Variants in ZFHX3 observed in about 807,000 individuals in gnomAD.
ZFHX3 encodes the protein zinc finger homeobox protein 3.
ZFHX3 carries 42 observed loss-of-function variants against 279.1 expected under a neutral mutation model. That is an observed-to-expected ratio of 0.15 (90% CI 0.12 to 0.19). The LOEUF (loss-of-function observed/expected upper bound fraction) is 0.19. Among genes scored for constraint, ZFHX3 ranks in the 10% least tolerant of loss-of-function variants. The pLI is 1.00. For missense variants in ZFHX3, 4,981 were observed against 4,754.0 expected, an observed-to-expected ratio of 1.05 and a Z score of -1.40; for synonymous variants, 2,293 against 1,957.8, an observed-to-expected ratio of 1.17 and a Z score of -4.52.
chr16:73,688,766 C>A (rs2053117502), intron 1 of ZFHX3, among the ~76,000 whole-genome samples: 1 of 152,112 alleles, frequency 6.6e-6, no homozygotes, highest in Admixed American at 6.5e-5. Context: ...GTGGGAGGGA[C>A]CAGGTGGGAG....
chr16:73,633,830 G>A (rs1041158401), intron 2 of ZFHX3, among the ~76,000 whole-genome samples: 62 of 152,072 alleles, frequency 4.1e-4, no homozygotes, highest in Admixed American at 2.5e-3. Context: ...CCCGGGAGGC[G>A]GAGGTTGCAG....
intron 2 of ZFHX3, among the ~76,000 whole-genome samples, chr16:73,521,817 A>G (rs1304519841): frequency 6.6e-6 from 1 of 152,106 alleles, no homozygotes; most frequent in East Asian, 1.9e-4. Flanking sequence ...TAATCACCAC[A>G]TTTTTTCACT....
At chr16:73,671,706 T>C (rs2052905765) in intron 2 of ZFHX3, among the ~76,000 whole-genome samples, 1 of 152,230 alleles carries the variant, frequency 6.6e-6, no homozygotes, top group Non-Finnish European at 1.5e-5. Flanking sequence ...CACACTCCGA[T>C]GTCACAGGGG....
At chr16:73,511,842 G>T (rs1301448519) in intron 2 of ZFHX3, among the ~76,000 whole-genome samples, 1 of 152,130 alleles carries the variant, frequency 6.6e-6, no homozygotes, top group Admixed American at 6.5e-5. Context: ...AATAATTTGG[G>T]TAGATGATCC....
chr16:73,050,380 CT>C (rs1965427859), upstream of ZFHX3, among the ~76,000 whole-genome samples: 1 of 152,148 alleles, frequency 6.6e-6, no homozygotes, highest in African/African-American at 2.4e-5. Context: ...AGTTCCTTTT[CT>C]TTATCTGGCA....
At chr16:73,740,257 T>C (rs1002978783) in intron 1 of ZFHX3, among the ~76,000 whole-genome samples, 4 of 152,154 alleles carry the variant, frequency 2.6e-5, no homozygotes, top group Non-Finnish European at 5.9e-5. Context: ...TACACACTCC[T>C]TGGGCACTGG....
rs530898725 is a variant in ZFHX3, at chr16:73,450,721, G to A, written c.-1291+5282C>T. Among the ~76,000 whole-genome samples the A allele has an allele frequency of 2.8e-4, 43 of 152,182 alleles. No individual in the cohort carries two copies. In the South Asian group the frequency reaches 4.0e-3, roughly 14 times the overall value. ...ATCCTCAAGGTTTCCTGAACATGTC[G>A]AAGGAGAACTCACCAATGCCTGCAT... is the stretch of plus-strand genomic sequence containing the variant. On this transcript the variant is annotated intron_variant, in intron 3 of 17. Coordinates refer to the ZFHX3 transcript ENST00000641206.
intron 2 of ZFHX3, among the ~76,000 whole-genome samples, chr16:73,542,725 A>AT (rs1183661978): frequency 1.3e-5 from 2 of 152,162 alleles, no homozygotes; most frequent in South Asian, 2.1e-4. Flanking sequence ...ACAATGCACA[A>AT]TTTTTTTAGG....
At chr16:73,093,251 G>T (rs1336605035) in exon 8 of ZFHX3, 1 of 511,212 alleles carries the variant, frequency 2.0e-6, no homozygotes, top group Non-Finnish European at 3.9e-6. Context: ...TTGACTTCCA[G>T]GTTCACTCAA....
chr16:73,422,791 A>C (rs11645128), intron 3 of ZFHX3, among the ~76,000 whole-genome samples: 1 of 152,018 alleles, frequency 6.6e-6, no homozygotes, highest in Non-Finnish European at 1.5e-5. Context: ...ATTGAATACT[A>C]TGGATTTGAA....
intron 1 of ZFHX3, among the ~76,000 whole-genome samples, chr16:73,691,010 T>G (rs747321205): frequency 6.6e-6 from 1 of 152,210 alleles, no homozygotes. Flanking sequence ...TGCATAAGAC[T>G]GGACACTGTA....
chr16:73,076,813 A>G (rs1241408231), intron 8 of ZFHX3, among the ~76,000 whole-genome samples: 2 of 152,162 alleles, frequency 1.3e-5, no homozygotes, highest in African/African-American at 4.8e-5. Flanking sequence ...GCATGTGAAC[A>G]CACAGTATGT....
chr16:73,383,155 C>G (rs1335515814), intron 3 of ZFHX3, among the ~76,000 whole-genome samples: 1 of 152,214 alleles, frequency 6.6e-6, no homozygotes, highest in Non-Finnish European at 1.5e-5. Flanking sequence ...GACTTAACTG[C>G]AAGTCATTTG....
chr16:73,459,125 A>C (rs1180708839), intron 2 of ZFHX3, among the ~76,000 whole-genome samples: 1 of 152,190 alleles, frequency 6.6e-6, no homozygotes, highest in African/African-American at 2.4e-5. Context: ...AAAACACAAA[A>C]AGTTAATTTT....
Position 72,786,557 on chromosome 16 carries a change from TAACAA to T in ZFHX3, c.*602_*606del, listed in dbSNP as rs1027652278. 9.2e-6 allele frequency: 1 copy of T among 108,956 alleles called. No individual in the cohort carries two copies. Among genetic ancestry groups the T allele is most frequent in the Admixed American group, 9.5e-5 (1 of 10,564 alleles). 6.7% of individuals were successfully genotyped at this position (108,956 alleles called of 1,614,324 possible). On this transcript the variant is annotated 3_prime_UTR_variant, in exon 10 of 10. Transcript: ENST00000268489. ...GAATACTTTCTGCCCATTTTTAAGT[TAACAA>T]AACAAAAAATCTTTTCTGGAACAAA... is the stretch of plus-strand genomic sequence containing the variant.
Position 73,115,102 on chromosome 16 carries a change from A to G in ZFHX3, c.-897+15866T>C, listed in dbSNP as rs144177986. On this transcript the variant is annotated intron_variant, in intron 7 of 17. Coordinates refer to the ZFHX3 transcript ENST00000641206. Reference sequence around the variant, plus strand: ...ATTCTTGGGGTAGCCAATGTCTTGAAGTTCAGGACCAACTGCCGGAGAAAC... The same window carrying G: ...ATTCTTGGGGTAGCCAATGTCTTGAGGTTCAGGACCAACTGCCGGAGAAAC... Among the ~76,000 whole-genome samples the G allele has an allele frequency of 8.4e-3, 1,281 of 152,218 alleles. 20 individuals carry two copies. The highest frequency in any genetic ancestry group is 0.03 in the African/African-American group (1,228 of 41,534).
chr16:72,932,525 T>C (rs1959873701), intron 3 of ZFHX3, among the ~76,000 whole-genome samples: 1 of 151,878 alleles, frequency 6.6e-6, no homozygotes, highest in African/African-American at 2.4e-5. Context: ...TAGTGAGGAA[T>C]CCAAGCTCCA....
At chr16:73,251,062 G>T (rs948499498) in intron 5 of ZFHX3, among the ~76,000 whole-genome samples, 1 of 152,036 alleles carries the variant, frequency 6.6e-6, no homozygotes, top group African/African-American at 2.4e-5. Context: ...CTTCAATTTG[G>T]CTTGCAGTTG....
chr16:72,900,817 T>C (rs1567573134), intron 3 of ZFHX3, among the ~76,000 whole-genome samples: 1 of 152,148 alleles, frequency 6.6e-6, no homozygotes, highest in African/African-American at 2.4e-5. Context: ...GGACCACACT[T>C]TGAGAACCGA....
Sources: allele counts gnomAD v4.1 joint callset (sites outside exome capture counted in the v4.1 genomes callset), GRCh38; gene constraint gnomAD v4.1.1; transcripts MANE v1.5; gene names NCBI Gene and HGNC (gene_info 2026-07-23, HGNC 2026-07-21).